Variants in AFAP1L2 observed in about 807,000 individuals in gnomAD.
AFAP1L2 encodes actin filament associated protein 1 like 2, also known as actin filament-associated protein 1-like 2.
AFAP1L2 carries 46 observed loss-of-function variants against 99.3 expected under a neutral mutation model. The ratio of observed to expected loss-of-function variants is 0.46; its 90% confidence interval spans 0.37 to 0.59. The LOEUF is 0.59. AFAP1L2 is among the 20% of genes least tolerant of loss of function. The pLI is 0.00. For synonymous variants in AFAP1L2, 397 were observed against 419.1 expected (o/e 0.95, Z 0.64); for missense variants, 959 against 1,034.9 (o/e 0.93, Z 1.01).
intron 1 of AFAP1L2, among the ~76,000 whole-genome samples, chr10:114,360,099 T>C (rs1309261959): frequency 2.0e-5 from 3 of 152,036 alleles, no homozygotes; most frequent in Non-Finnish European, 4.4e-5. Context: ...ACAGGAATAT[T>C]TGAATCAGTA....
At chr10:114,403,654 A>G (rs534750975) in intron 1 of AFAP1L2, among the ~76,000 whole-genome samples, 2 of 152,264 alleles carry the variant, frequency 1.3e-5, no homozygotes, top group African/African-American at 4.8e-5. Flanking sequence ...CTTGTAGACC[A>G]GCTCCGAGGC....
chr10:114,371,656 G>C (rs960402645), intron 1 of AFAP1L2, among the ~76,000 whole-genome samples: 9 of 151,380 alleles, frequency 5.9e-5, no homozygotes, highest in African/African-American at 1.9e-4. Context: ...ACTGGGGCCT[G>C]TTGTGGGGTG....
chr10:114,349,383 CAAAAAAA>C (rs113553514), intron 1 of AFAP1L2, among the ~76,000 whole-genome samples: 2 of 86,252 alleles, frequency 2.3e-5, no homozygotes, highest in African/African-American at 4.8e-5. Flanking sequence ...AACTCGGTCT[CAAAAAAA>C]AAAAAAAAAA....
intron 10 of AFAP1L2, among the ~76,000 whole-genome samples, chr10:114,307,196 G>A (rs976806733): frequency 6.6e-6 from 1 of 152,006 alleles, no homozygotes; most frequent in East Asian, 1.9e-4. Context: ...CATACCCTCT[G>A]CACCAGTACA....
intron 1 of AFAP1L2, among the ~76,000 whole-genome samples, chr10:114,396,533 G>C (rs1377236630): frequency 2.0e-5 from 3 of 152,116 alleles, no homozygotes; most frequent in African/African-American, 7.2e-5. Context: ...ATAAATCATG[G>C]GTTCTTCCCC....
At chr10:114,281,840 G>A in the AFAP1L2 span, 6 of 776,780 alleles carry the variant, frequency 7.7e-6, no homozygotes, top group Non-Finnish European at 7.8e-6. Flanking sequence ...GACCAGAGGA[G>A]GAAAGTAACA....
downstream of AFAP1L2, among the ~76,000 whole-genome samples, chr10:114,292,126 A>G (rs2039658664): frequency 6.6e-6 from 1 of 152,112 alleles, no homozygotes; most frequent in Admixed American, 6.6e-5. Flanking sequence ...AAAATACAAA[A>G]GGTAGCCGGG....
chr10:114,403,675 G>A (rs2058437350), intron 1 of AFAP1L2, among the ~76,000 whole-genome samples: 1 of 152,136 alleles, frequency 6.6e-6, no homozygotes, highest in Non-Finnish European at 1.5e-5. Flanking sequence ...TCCGAGTGTG[G>A]GTGCTAAGCT....
At position 114,300,342 on chromosome 10, in the gene AFAP1L2, T is replaced by C; in HGVS notation, c.1809A>G (p.Pro603=). 1.2e-6 allele frequency: 2 copies of C among 1,614,182 alleles called. No individual in the cohort carries two copies. Among genetic ancestry groups the C allele is most frequent in the East Asian group, 2.2e-5 (1 of 44,880 alleles). Residue 603 remains proline, a synonymous_variant, in exon 15 of 19, where the codon CCA becomes CCG. Transcript: ENST00000304129. The part of the protein sequence containing the change: ...LGEQQLESLE[P]EDPSLRITTV... ...TGGTGATTCTCAGGGAAGGATCCTCTGGCTCCAAACTCTCCAGCTGCTTTG... is the reference window on the plus strand; with the variant it reads ...TGGTGATTCTCAGGGAAGGATCCTCCGGCTCCAAACTCTCCAGCTGCTTTG...
chr10:114,348,937 A>C (rs758722557), intron 1 of AFAP1L2, among the ~76,000 whole-genome samples: 5 of 152,246 alleles, frequency 3.3e-5, no homozygotes, highest in Non-Finnish European at 7.3e-5. Context: ...ATGTGTAAAA[A>C]AATGCAAACT....
Position 114,295,147 on chromosome 10 carries a change from T to C in AFAP1L2, c.*895A>G, listed in dbSNP as rs570497822. On this transcript the variant is annotated 3_prime_UTR_variant, in exon 19 of 19. Transcript: ENST00000304129. ...TTGTTCTTGGAAGGAGAATGAACAT[T>C]AAACAGAACTTAAAATCAGAGACTA... 1.0e-6 allele frequency: 1 copy of C among 985,614 alleles called. No homozygotes were observed. Among genetic ancestry groups the C allele is most frequent in the African/African-American group, 1.7e-5 (1 of 57,298 alleles). 61.1% of individuals were successfully genotyped at this position (985,614 alleles called of 1,614,324 possible). A position where few individuals can be genotyped will look rare whatever the true frequency, so the allele number is the denominator to read the frequency against.
chr10:114,369,956 C>T (rs1444945945), intron 1 of AFAP1L2, among the ~76,000 whole-genome samples: 1 of 152,060 alleles, frequency 6.6e-6, no homozygotes, highest in African/African-American at 2.4e-5. Context: ...AGGGTAGTAA[C>T]GGGAAGAGAG....
At chr10:114,315,002 G>C (rs1024897645) in intron 6 of AFAP1L2, among the ~76,000 whole-genome samples, 4 of 152,130 alleles carry the variant, frequency 2.6e-5, no homozygotes, top group Non-Finnish European at 5.9e-5. Flanking sequence ...TTAGCCAGGC[G>C]TGGTGGCGGG....
intron 4 of AFAP1L2, among the ~76,000 whole-genome samples, chr10:114,326,235 CA>C (rs931403768): frequency 3.9e-5 from 6 of 152,122 alleles, no homozygotes; most frequent in African/African-American, 1.4e-4. Context: ...GCGAGGTGTG[CA>C]AAATGTATCA....
Position 114,297,231 on chromosome 10 carries a change from C to A in AFAP1L2, c.2296G>T (p.Val766Leu). ...GTTCCAGCACTCACGCGGGGGCTCA[C>A]ATTCTCCAGGTGGGTGGTGTCCACG... ...TTVDTTHLEN[V>L]SPRPKAVTPA... The change falls in exon 17 of 19, where the codon GTG becomes TTG. Residue 766 changes from valine to leucine, a missense_variant. Val to Leu is a conservative substitution (Grantham distance 32, BLOSUM62 1). Around this residue, in one of 2 missense-constraint regions of AFAP1L2, gnomAD observed 576 missense variants for 562.1 expected, o/e 1.02. Transcript: ENST00000304129. 6.2e-7 allele frequency: 1 copy of A among 1,610,224 alleles called. No homozygotes were observed.
At chr10:114,282,542 C>T in the AFAP1L2 span, 2 of 1,614,126 alleles carry the variant, frequency 1.2e-6, no homozygotes, top group Non-Finnish European at 1.7e-6. Flanking sequence ...CTAACCCACC[C>T]TGCCACCTGC....
intron 4 of AFAP1L2, among the ~76,000 whole-genome samples, chr10:114,328,896 G>A (rs1367520904): frequency 1.3e-5 from 2 of 152,230 alleles, no homozygotes; most frequent in Non-Finnish European, 2.9e-5. Context: ...AACACCCTGG[G>A]GTAGAGGTGG....
chr10:114,283,837 G>A, the AFAP1L2 span, among the ~76,000 whole-genome samples: 42 of 152,330 alleles, frequency 2.8e-4, no homozygotes, highest in African/African-American at 7.7e-4. Flanking sequence ...CAGCCCCAGC[G>A]AAGTGCCTAG....
chr10:114,384,766 A>G (rs1333397709), intron 1 of AFAP1L2, among the ~76,000 whole-genome samples: 1 of 152,202 alleles, frequency 6.6e-6, no homozygotes, highest in Non-Finnish European at 1.5e-5. Context: ...CCCTGTGGCC[A>G]GGGACCACGC....
Sources: gnomAD v4.1 joint callset for allele counts (sites outside exome capture counted in the v4.1 genomes callset) on GRCh38, gnomAD v4.1.1 for gene constraint, gnomAD v4.1.1 regional missense constraint, MANE v1.5 for transcripts, NCBI Gene and HGNC (gene_info 2026-07-23, HGNC 2026-07-21) for gene names.